The following LOXL2 variants were observed in gnomAD, a reference collection of about 807,000 sequenced individuals.
The protein encoded by LOXL2 is lysyl oxidase like 2.
LOXL2 carries 70 observed loss-of-function variants against 93.0 expected under a neutral mutation model. The observed-to-expected ratio is 0.75, with a 90% CI of 0.62 to 0.92. The LOEUF (loss-of-function observed/expected upper bound fraction) is 0.92, where lower values mean the gene tolerates loss of function less well. Among genes scored for constraint, LOXL2 ranks in the 40% least tolerant of loss-of-function variants. The pLI is 0.00. For synonymous variants in LOXL2, 438 were observed against 413.2 expected, an observed-to-expected ratio of 1.06 and a Z score of -0.73; for missense variants, 973 against 1,054.9, an observed-to-expected ratio of 0.92 and a Z score of 1.08.
intron 1 of LOXL2, among the ~76,000 whole-genome samples, chr8:23,400,174 T>C (rs1800138395): frequency 6.6e-6 from 1 of 152,166 alleles, no homozygotes; most frequent in African/African-American, 2.4e-5. Flanking sequence ...GTAATGAAAA[T>C]GCTAAAAGCA....
At chr8:23,342,180 C>G (rs1357286650) in intron 3 of LOXL2, among the ~76,000 whole-genome samples, 1 of 152,142 alleles carries the variant, frequency 6.6e-6, no homozygotes, top group Non-Finnish European at 1.5e-5. Flanking sequence ...AGACCTGAGT[C>G]CCAGGGATCG....
chr8:23,385,547 A>G (rs1316672745), intron 1 of LOXL2, among the ~76,000 whole-genome samples: 5 of 152,086 alleles, frequency 3.3e-5, no homozygotes, highest in African/African-American at 1.2e-4. Context: ...GGCATGAGCC[A>G]CTACACCCAG....
intron 10 of LOXL2, 82 bp downstream of exon 10, chr8:23,309,586 C>T: frequency 3.8e-6 from 5 of 1,323,978 alleles, no homozygotes; most frequent in Non-Finnish European, 3.9e-6. Context: ...TCTAAGTGAC[C>T]CTGGCAACTC....
chr8:23,333,323 G>T, intron 5 of LOXL2, 78 bp downstream of exon 5: 1 of 1,342,844 alleles, frequency 7.4e-7, no homozygotes, highest in Non-Finnish European at 1.1e-6. Flanking sequence ...CACTCTCCTG[G>T]GGGATCCTGC....
Position 23,298,816 on chromosome 8 carries a change from T to C in LOXL2, c.2245+20A>G. On this transcript the variant is annotated intron_variant, in intron 13 of 13. Transcript: ENST00000389131. ...GGCAGCTCCCGCCTGCTTCCTGGAG[T>C]GGGGGCGGCCTGGCCTTACCTATGT... 1 of 1,517,762 alleles carries C rather than the reference T, an allele frequency of 6.6e-7. No homozygotes were observed. 94.0% of individuals were successfully genotyped at this position (1,517,762 alleles called of 1,614,324 possible).
rs7834641 is a variant in LOXL2, at chr8:23,296,973, T to C, written c.*1070A>G. Among the ~76,000 whole-genome samples the C allele has an allele frequency of 0.54, 81,857 of 152,042 alleles. 22,503 individuals carry two copies. The highest frequency in any genetic ancestry group is 0.81 in the East Asian group (4,176 of 5,178). On this transcript the variant is annotated 3_prime_UTR_variant, in exon 14 of 14. Transcript: ENST00000389131. Reference sequence around the variant, plus strand: ...CGTTACTTTTTGTGATCTCCTTAGATTGCTTCTCCCAGATGGTAGGAGCTG... The same window carrying C: ...CGTTACTTTTTGTGATCTCCTTAGACTGCTTCTCCCAGATGGTAGGAGCTG...
chr8:23,396,250 G>T (rs897706376), intron 1 of LOXL2, among the ~76,000 whole-genome samples: 1 of 152,080 alleles, frequency 6.6e-6, no homozygotes, highest in African/African-American at 2.4e-5. Context: ...CCCAGGAGGT[G>T]GAGGTTGCGG....
chr8:23,380,710 C>G (rs1478589582), intron 1 of LOXL2, among the ~76,000 whole-genome samples: 1 of 151,944 alleles, frequency 6.6e-6, no homozygotes, highest in African/African-American at 2.4e-5. Context: ...AAAACACAAA[C>G]AAGTGAAAGG....
At chr8:23,320,280 C>T (rs1803473421) in intron 7 of LOXL2, among the ~76,000 whole-genome samples, 1 of 152,210 alleles carries the variant, frequency 6.6e-6, no homozygotes, top group Admixed American at 6.5e-5. Context: ...GGCCCTGTGA[C>T]TCCACTGAGC....
At chr8:23,400,008 G>A (rs1440378107) in intron 1 of LOXL2, among the ~76,000 whole-genome samples, 1 of 152,218 alleles carries the variant, frequency 6.6e-6, no homozygotes, top group African/African-American at 2.4e-5. Flanking sequence ...CTGTTTCAAA[G>A]CAACAAGCGT....
intron 7 of LOXL2, among the ~76,000 whole-genome samples, chr8:23,321,242 C>T (rs141896345): frequency 6.6e-6 from 1 of 152,330 alleles, no homozygotes; most frequent in Non-Finnish European, 1.5e-5. Context: ...CAGGAAAACA[C>T]ATGGTCACCA....
intron 10 of LOXL2, among the ~76,000 whole-genome samples, chr8:23,308,511 G>A (rs1442874577): frequency 6.6e-6 from 1 of 152,170 alleles, no homozygotes; most frequent in East Asian, 1.9e-4. Context: ...TTATTTAGTG[G>A]TAGAGGCCTG....
At position 23,341,076 on chromosome 8, in the gene LOXL2, T is replaced by C. The variant is rs762496361; in HGVS notation, c.659A>G (p.Lys220Arg). ...GCGGGAATTCTTGGCCGTCCAGTGC[T>C]TGTCACAGATCTGCTTCCAGGTCTT... ...EGKTWKQICD[K>R]HWTAKNSRVV... Residue 220 changes from lysine to arginine, a missense_variant, in exon 4 of 14, where the codon AAG becomes AGG. By Grantham distance (26) the Lys-to-Arg change is conservative. Transcript: ENST00000389131. The C allele has an allele frequency of 8.7e-6, 14 of 1,614,136 alleles. No homozygotes were observed. In the South Asian group the frequency reaches 1.3e-4, roughly 15 times the overall value.
intron 12 of LOXL2, 24 bp from the exon 13 acceptor site, chr8:23,298,971 G>A (rs759376556): frequency 1.4e-6 from 2 of 1,415,224 alleles, no homozygotes; most frequent in Admixed American, 1.7e-5. Context: ...GGGCAGAGGA[G>A]GCTGCTTGTT....
intron 2 of LOXL2, among the ~76,000 whole-genome samples, chr8:23,360,675 T>C (rs1804274604): frequency 6.6e-6 from 1 of 152,198 alleles, no homozygotes; most frequent in South Asian, 2.1e-4. Context: ...CACAGCTGTG[T>C]GCAGATTAGA....
chr8:23,382,668 G>A (rs535526911), intron 1 of LOXL2, among the ~76,000 whole-genome samples: 1 of 152,242 alleles, frequency 6.6e-6, no homozygotes, highest in Admixed American at 6.5e-5. Flanking sequence ...AGTCCTAGGT[G>A]AACAAGACTA....
At chr8:23,369,643 G>A (rs1481906056) in intron 1 of LOXL2, among the ~76,000 whole-genome samples, 1 of 152,144 alleles carries the variant, frequency 6.6e-6, no homozygotes, top group Non-Finnish European at 1.5e-5. Flanking sequence ...GCCCCGAAGA[G>A]GATGCTGGGG....
rs763109584 is a variant in LOXL2 at position 23,328,618 on chromosome 8, GTGACCAC to G, written c.967-60_967-54del. On this transcript the variant is annotated intron_variant, in intron 5 of 13. Transcript: ENST00000389131. Reference sequence around the variant, plus strand: ...ACAGACGCTGATGCACGTTCAGCGGGTGACCACTGTCCCCGCCCCCTCCCTTCCCTGC... The same window carrying G: ...ACAGACGCTGATGCACGTTCAGCGGGTGTCCCCGCCCCCTCCCTTCCCTGC... 9 of 1,549,672 alleles carry G rather than the reference GTGACCAC, an allele frequency of 5.8e-6. No individual in the cohort carries two copies. In the Admixed American group the frequency reaches 1.5e-4, roughly 26 times the overall value.
intron 7 of LOXL2, among the ~76,000 whole-genome samples, chr8:23,321,250 C>G (rs1803492421): frequency 6.6e-6 from 1 of 152,204 alleles, no homozygotes; most frequent in South Asian, 2.1e-4. Flanking sequence ...CACATGGTCA[C>G]CAAGGGCACC....
Sources: gnomAD v4.1 joint callset for allele counts (sites outside exome capture counted in the v4.1 genomes callset) on GRCh38, gnomAD v4.1.1 for gene constraint, MANE v1.5 for transcripts, NCBI Gene and HGNC (gene_info 2026-07-23, HGNC 2026-07-21) for gene names.